The following OCA2 variants were observed in gnomAD, a reference collection of about 807,000 sequenced individuals.
OCA2 encodes P protein.
In OCA2, 77 loss-of-function variants were observed where a neutral mutation model predicts 100.2. The ratio of observed to expected loss-of-function variants is 0.77; its 90% CI spans 0.64 to 0.93. The LOEUF (loss-of-function observed/expected upper bound fraction) is 0.93. Ranked by LOEUF, OCA2 falls within the 40% of genes least tolerant of loss-of-function variation. The pLI, the probability that OCA2 is intolerant of heterozygous loss-of-function variation, is 0.00. For synonymous variants in OCA2, 432 were observed against 439.2 expected, an observed-to-expected ratio of 0.98 and a Z score of 0.21; for missense variants, 1,062 against 1,089.1, an observed-to-expected ratio of 0.98 and a Z score of 0.35.
chr15:27,910,811 C>A (rs546501287), intron 19 of OCA2, among the ~76,000 whole-genome samples: 3 of 151,972 alleles, frequency 2.0e-5, no homozygotes, highest in Admixed American at 2.0e-4. Context: ...CAAAAATTAG[C>A]TGGGCATGGT....
At chr15:27,723,604 G>T in the OCA2 span, among the ~76,000 whole-genome samples, 8 of 151,992 alleles carry the variant, frequency 5.3e-5, no homozygotes, top group South Asian at 2.1e-4. Context: ...GGCACCCAGG[G>T]AGGAGCAAGA....
At chr15:27,794,934 G>T (rs1370285357) in intron 23 of OCA2, among the ~76,000 whole-genome samples, 1 of 152,146 alleles carries the variant, frequency 6.6e-6, no homozygotes, top group Non-Finnish European at 1.5e-5. Flanking sequence ...ACTACTAACA[G>T]AAAACAATCT....
intron 3 of OCA2, among the ~76,000 whole-genome samples, chr15:28,028,285 G>A (rs2042815336): frequency 1.3e-5 from 2 of 152,212 alleles, no homozygotes; most frequent in South Asian, 2.1e-4. Flanking sequence ...TCTTCAAAAT[G>A]AATTGTGGGC....
At chr15:27,966,873 C>G (rs371853274) in intron 14 of OCA2, 51 bp from the exon 15 acceptor site, 1 of 1,565,410 alleles carries the variant, frequency 6.4e-7, no homozygotes, top group Non-Finnish European at 8.7e-7. Flanking sequence ...TGGTGGCTCA[C>G]GCCTGTAATC....
intron 23 of OCA2, among the ~76,000 whole-genome samples, chr15:27,763,570 G>T (rs2031010236): frequency 6.6e-6 from 1 of 152,236 alleles, no homozygotes; most frequent in Non-Finnish European, 1.5e-5. Context: ...TTAGGGAAGT[G>T]GGCAATGATG....
chr15:28,027,100 G>T lies in OCA2; in HGVS notation c.515+771C>A, dbSNP rs2042772804. ...GCTTTCAAACATGTCCCTCTCAAAA[G>T]AACCCTTTCAAATGAACGGGCGCAT... On this transcript the variant is annotated intron_variant, in intron 4 of 23. Transcript: ENST00000354638. 1.3e-5 allele frequency among the ~76,000 whole-genome samples: 2 copies of T among 152,194 alleles called. 1 individual carries two copies. Among genetic ancestry groups the T allele is most frequent in the South Asian group, 4.1e-4 (2 of 4,830 alleles).
chr15:28,041,142 G>T (rs2043189238), intron 2 of OCA2, among the ~76,000 whole-genome samples: 1 of 151,956 alleles, frequency 6.6e-6, no homozygotes, highest in Non-Finnish European at 1.5e-5. Context: ...AAACTCAGCA[G>T]CATATTAAAA....
chr15:27,984,538 T>A (rs551713091), intron 13 of OCA2, among the ~76,000 whole-genome samples: 1 of 152,078 alleles, frequency 6.6e-6, no homozygotes, highest in African/African-American at 2.4e-5. Flanking sequence ...CCTGGTGGTC[T>A]GGGGTGAGCC....
At chr15:28,070,307 A>G (rs2044198348) in intron 2 of OCA2, among the ~76,000 whole-genome samples, 1 of 135,106 alleles carries the variant, frequency 7.4e-6, no homozygotes, top group Non-Finnish European at 1.6e-5. Flanking sequence ...TCCGGGAGGG[A>G]GGTGGGGGGG....
At chr15:27,987,539 G>A (rs1385482177) in intron 11 of OCA2, among the ~76,000 whole-genome samples, 1 of 145,942 alleles carries the variant, frequency 6.9e-6, no homozygotes, top group Non-Finnish European at 1.5e-5. Flanking sequence ...CTAACATGGT[G>A]AAACCCCATC....
intron 18 of OCA2, among the ~76,000 whole-genome samples, chr15:27,927,784 C>CTTTTTTTTTTTTTT (rs34037519): frequency 1.4e-5 from 1 of 69,338 alleles, no homozygotes; most frequent in Non-Finnish European, 2.5e-5. Context: ...CTTTGAGCAT[C>CTTTTTTTTTTTTTT]TTTTTTTTTT....
At chr15:27,802,251 A>G (rs1224900610) in intron 23 of OCA2, among the ~76,000 whole-genome samples, 5 of 152,200 alleles carry the variant, frequency 3.3e-5, no homozygotes, top group Non-Finnish European at 7.4e-5. Context: ...AAATATGTGA[A>G]AGACTTGTAC....
intron 2 of OCA2, among the ~76,000 whole-genome samples, chr15:28,050,096 T>A (rs946780790): frequency 6.6e-6 from 1 of 151,798 alleles, no homozygotes; most frequent in Non-Finnish European, 1.5e-5. Flanking sequence ...CTGGGCAACA[T>A]AGCAAGATCC....
At chr15:27,822,452 G>A (rs2034542660) in intron 23 of OCA2, among the ~76,000 whole-genome samples, 1 of 152,150 alleles carries the variant, frequency 6.6e-6, no homozygotes, top group Non-Finnish European at 1.5e-5. Context: ...GCCTAAGAGT[G>A]AGACTGAGGG....
intron 23 of OCA2, among the ~76,000 whole-genome samples, chr15:27,767,842 G>A (rs2031389374): frequency 6.6e-6 from 1 of 152,208 alleles, no homozygotes; most frequent in Non-Finnish European, 1.5e-5. Context: ...CACTGTGGAA[G>A]CTTTGTTCTT....
chr15:27,927,178 A>G (rs2039073616), intron 18 of OCA2, among the ~76,000 whole-genome samples: 1 of 152,138 alleles, frequency 6.6e-6, no homozygotes. Context: ...AATCCCAGCT[A>G]CTTGGGAGGC....
chr15:28,004,002 C>T (rs1595801862), intron 9 of OCA2, among the ~76,000 whole-genome samples: 2 of 152,350 alleles, frequency 1.3e-5, no homozygotes. Flanking sequence ...CGCGCCCGCG[C>T]GGAAACACCG....
intron 23 of OCA2, among the ~76,000 whole-genome samples, chr15:27,769,200 A>G (rs74803342): frequency 6.6e-6 from 1 of 152,184 alleles, no homozygotes; most frequent in African/African-American, 2.4e-5. Context: ...GTGATTTTCA[A>G]TCCATTCTGG....
chr15:27,896,303 T>A, intron 19 of OCA2: 1 of 1,026,110 alleles, frequency 9.7e-7, no homozygotes, highest in Non-Finnish European at 1.5e-6. Flanking sequence ...GCCAGAATGT[T>A]GCAGATTACA....
Sources: allele counts gnomAD v4.1 joint callset (sites outside exome capture counted in the v4.1 genomes callset), GRCh38; gene constraint gnomAD v4.1.1; transcripts MANE v1.5; gene names NCBI Gene and HGNC (gene_info 2026-07-23, HGNC 2026-07-21).